The following PLCZ1 variants were observed in gnomAD, a reference collection of about 807,000 sequenced individuals.
The protein encoded by PLCZ1 is 1-phosphatidylinositol 4,5-bisphosphate phosphodiesterase zeta-1.
PLCZ1 carries 64 observed loss-of-function variants against 76.8 expected under a neutral mutation model. The observed-to-expected ratio is 0.83, with a 90% confidence interval of 0.68 to 1.03. The LOEUF is 1.03. PLCZ1 is among the 50% of genes least tolerant of loss of function. The pLI is 0.00. For synonymous variants in PLCZ1, 248 were observed against 230.8 expected, an observed-to-expected ratio of 1.07 and a Z score of -0.68; for missense variants, 751 against 713.7, an observed-to-expected ratio of 1.05 and a Z score of -0.60.
chr12:18,687,130 C>A (rs1003042503), intron 13 of PLCZ1, among the ~76,000 whole-genome samples: 1 of 152,042 alleles, frequency 6.6e-6, no homozygotes, highest in Non-Finnish European at 1.5e-5. Flanking sequence ...TCATCAATAT[C>A]CCTTCCCATT....
the PLCZ1 span, chr12:18,647,977 T>G: frequency 6.3e-7 from 1 of 1,599,430 alleles, no homozygotes; most frequent in Non-Finnish European, 8.5e-7. Flanking sequence ...GACTCTGTAG[T>G]GTCCCACTCG....
At chr12:18,736,464 TTATAG>T in intron 2 of PLCZ1, 120 bp from the exon 3 acceptor site, 1 of 1,238,492 alleles carries the variant, frequency 8.1e-7, no homozygotes, top group Non-Finnish European at 1.1e-6. Flanking sequence ...TTAAAGTAAA[TTATAG>T]TATAATTGTA....
intron 4 of PLCZ1, among the ~76,000 whole-genome samples, chr12:18,720,478 C>T (rs556220823): frequency 6.6e-6 from 1 of 150,888 alleles, no homozygotes; most frequent in Non-Finnish European, 1.5e-5. Flanking sequence ...ATCTATCAAG[C>T]AGAAGACTGG....
the PLCZ1 span, among the ~76,000 whole-genome samples, chr12:18,665,076 G>A: frequency 1.3e-5 from 2 of 150,900 alleles, no homozygotes; most frequent in Non-Finnish European, 2.9e-5. Flanking sequence ...GTTGATGGGT[G>A]CAGCACAACA....
chr12:18,719,667 C>A (rs778720671), intron 4 of PLCZ1, 35 bp from the exon 5 acceptor site: 9 of 1,429,600 alleles, frequency 6.3e-6, no homozygotes, highest in Non-Finnish European at 8.6e-6. Flanking sequence ...TAAAAGGATG[C>A]AAAAATACCA....
At chr12:18,706,640 A>G (rs910235987) in intron 6 of PLCZ1, among the ~76,000 whole-genome samples, 2 of 152,084 alleles carry the variant, frequency 1.3e-5, no homozygotes, top group African/African-American at 4.8e-5. Flanking sequence ...CTTATTTACA[A>G]TTTTTTTCTT....
chr12:18,659,431 G>T, the PLCZ1 span, among the ~76,000 whole-genome samples: 1 of 152,070 alleles, frequency 6.6e-6, no homozygotes, highest in Non-Finnish European at 1.5e-5. Context: ...TATCATCCCT[G>T]CATACTTAGA....
chr12:18,704,332 T>G (rs1158848278), intron 7 of PLCZ1, among the ~76,000 whole-genome samples: 1 of 152,018 alleles, frequency 6.6e-6, no homozygotes, highest in African/African-American at 2.4e-5. Context: ...AATTCCTTTC[T>G]TTTTTTCAAT....
chr12:18,689,352 C>T (rs985680576), intron 12 of PLCZ1, among the ~76,000 whole-genome samples: 1 of 152,164 alleles, frequency 6.6e-6, no homozygotes, highest in East Asian at 1.9e-4. Context: ...GCAAGCTTGT[C>T]CAACCTGCGG....
At chr12:18,664,275 T>C in the PLCZ1 span, among the ~76,000 whole-genome samples, 1 of 152,212 alleles carries the variant, frequency 6.6e-6, no homozygotes, top group African/African-American at 2.4e-5. Context: ...GTTCTGAATA[T>C]ATACCAAAAA....
At chr12:18,733,432 G>A (rs938499146) in intron 3 of PLCZ1, among the ~76,000 whole-genome samples, 14 of 151,968 alleles carry the variant, frequency 9.2e-5, no homozygotes, top group African/African-American at 3.1e-4. Context: ...TTCCTTTGCT[G>A]TGCAATAGCC....
rs1190690912 is a variant in PLCZ1, at chr12:18,737,514, G to A, written c.-138-5C>T. 2 of 1,149,216 alleles carry A rather than the reference G, an allele frequency of 1.7e-6. No individual in the cohort carries two copies. Among genetic ancestry groups the A allele is most frequent in the East Asian group, 2.6e-5 (1 of 39,190 alleles). The allele number at this position is 1,149,216 out of a possible 1,614,324, so 71.2% of individuals were successfully genotyped here. A position where few individuals can be genotyped will look rare whatever the true frequency, so the allele number is the denominator to read the frequency against. On this transcript the variant is annotated splice_region_variant and splice_polypyrimidine_tract_variant and intron_variant, in intron 1 of 14. Transcript: ENST00000266505. Reference sequence around the variant, plus strand: ...TCATCAGCTGTTACCACTTTTCTAGGGAGAAAGCAGAGAACACACAGTGGT... The same window carrying A: ...TCATCAGCTGTTACCACTTTTCTAGAGAGAAAGCAGAGAACACACAGTGGT...
intron 7 of PLCZ1, among the ~76,000 whole-genome samples, 154 bp downstream of exon 7, chr12:18,705,012 C>T (rs928006813): frequency 6.6e-6 from 1 of 152,120 alleles, no homozygotes; most frequent in Non-Finnish European, 1.5e-5. Flanking sequence ...TTCATGAGAA[C>T]ATTCCCTAGG....
intron 13 of PLCZ1, chr12:18,685,596 C>T: frequency 1.9e-6 from 1 of 514,370 alleles, no homozygotes; most frequent in Non-Finnish European, 3.9e-6. Flanking sequence ...AGGGTGCAGT[C>T]TATGCCCACA....
At chr12:18,702,396 T>C (rs1956063357) in intron 7 of PLCZ1, among the ~76,000 whole-genome samples, 1 of 152,196 alleles carries the variant, frequency 6.6e-6, no homozygotes, top group South Asian at 2.1e-4. Flanking sequence ...TTCTTTCACT[T>C]GGTTATTCCT....
intron 1 of PLCZ1, 166 bp downstream of exon 1, chr12:18,737,766 A>C: frequency 2.9e-6 from 1 of 345,114 alleles, no homozygotes; most frequent in Non-Finnish European, 5.5e-6. Context: ...AAACCCCTCA[A>C]ACCTTTCATC....
At chr12:18,731,355 G>A (rs1959037330) in intron 3 of PLCZ1, among the ~76,000 whole-genome samples, 1 of 151,912 alleles carries the variant, frequency 6.6e-6, no homozygotes, top group Admixed American at 6.6e-5. Context: ...GATCAGGTAG[G>A]CTTACTGCCC....
At chr12:18,665,146 T>A in the PLCZ1 span, among the ~76,000 whole-genome samples, 10 of 151,182 alleles carry the variant, frequency 6.6e-5, no homozygotes, top group African/African-American at 2.2e-4. Flanking sequence ...ACCCTAAAAC[T>A]TAAAGCATAA....
rs767748516 is a variant in PLCZ1, at chr12:18,712,990, G to A, written c.570-4C>T. Reference sequence around the variant, plus strand: ...ACGGCATCCTTTCACAAGGGCACTAGCAAAATTTCAGCAAAATAAAATGTT... The same window carrying A: ...ACGGCATCCTTTCACAAGGGCACTAACAAAATTTCAGCAAAATAAAATGTT... On this transcript the variant is annotated splice_polypyrimidine_tract_variant and splice_region_variant and intron_variant, in intron 5 of 14. Transcript: ENST00000266505. The A allele has an allele frequency of 1.2e-5, 19 of 1,613,744 alleles. No homozygotes were observed. The highest frequency in any genetic ancestry group is 7.6e-6 in the Non-Finnish European group (9 of 1,179,756).
Sources: gnomAD v4.1 joint callset for allele counts (sites outside exome capture counted in the v4.1 genomes callset) on GRCh38, gnomAD v4.1.1 for gene constraint, MANE v1.5 for transcripts, NCBI Gene and HGNC (gene_info 2026-07-23, HGNC 2026-07-21) for gene names.